The following APBB2 variants were observed in gnomAD, a reference collection of about 807,000 sequenced individuals.
The protein encoded by APBB2 is amyloid beta precursor protein binding family B member 2.
In APBB2, 38 loss-of-function variants were observed where a neutral mutation model predicts 82.5. The observed-to-expected ratio is 0.46, with a 90% CI of 0.36 to 0.60. The LOEUF is 0.60. Among genes scored for constraint, APBB2 ranks in the 20% least tolerant of loss-of-function variants. The pLI is 0.00. For synonymous variants in APBB2, 341 were observed against 368.2 expected (o/e 0.93, Z 0.85); for missense variants, 772 against 972.3 (o/e 0.79, Z 2.74).
intron 6 of APBB2, among the ~76,000 whole-genome samples, chr4:40,955,377 C>CTTT (rs1222929098): frequency 6.6e-6 from 1 of 152,186 alleles, no homozygotes; most frequent in African/African-American, 2.4e-5. Flanking sequence ...TGTGATAAGG[C>CTTT]GTAAAGCCCC....
chr4:41,198,742 C>T (rs942056460), intron 1 of APBB2, among the ~76,000 whole-genome samples: 7 of 152,214 alleles, frequency 4.6e-5, no homozygotes, highest in East Asian at 3.9e-4. Flanking sequence ...AGTCTGAAAT[C>T]AAGGTGTTGG....
chr4:41,140,989 C>A (rs1172189191), intron 2 of APBB2, among the ~76,000 whole-genome samples: 1 of 152,124 alleles, frequency 6.6e-6, no homozygotes, highest in African/African-American at 2.4e-5. Context: ...ATAAAGTGTA[C>A]AATAAATGTA....
intron 6 of APBB2, among the ~76,000 whole-genome samples, chr4:40,947,945 G>A (rs1162985897): frequency 5.3e-5 from 8 of 152,126 alleles, no homozygotes; most frequent in African/African-American, 1.9e-4. Flanking sequence ...TTTCAATGAT[G>A]GGAACTGGAA....
chr4:41,021,753 T>C (rs1005616573), intron 5 of APBB2, among the ~76,000 whole-genome samples: 4 of 152,150 alleles, frequency 2.6e-5, no homozygotes, highest in Admixed American at 2.0e-4. Flanking sequence ...CTGTGGAAGC[T>C]TTGTTCTTTC....
intron 12 of APBB2, among the ~76,000 whole-genome samples, chr4:40,863,996 C>T (rs11725751): frequency 0.17 from 25,758 of 151,318 alleles, 2,305 homozygotes; most frequent in South Asian, 0.24. Flanking sequence ...CAGTGGCTCA[C>T]GCCTGTAATC....
rs374014992 is a variant in APBB2, at chr4:40,859,675, G to A, written c.1530-29098C>T. 4.5e-4 allele frequency among the ~76,000 whole-genome samples: 69 copies of A among 152,174 alleles called. 1 individual carries two copies. The highest frequency in any genetic ancestry group is 1.5e-3 in the African/African-American group (63 of 41,442). ...TGCTCGAACCTTAAAACCACACAGT[G>A]GCTTCCCACTGCAATGCAGATAAAG... On this transcript the variant is annotated intron_variant, in intron 12 of 17. Coordinates refer to ENST00000508593, the MANE Select transcript of APBB2 (RefSeq NM_004307.2).
Position 40,812,138 on chromosome 4 carries a change from T to TA in APBB2, c.*3953dup, listed in dbSNP as rs1247259856. ...AAATTTGAAGTTACTTCCTAGTTCT[T>TA]ACCAGGCAGAAATATGTAGTAACTA... On this transcript the variant is annotated 3_prime_UTR_variant, in exon 18 of 18. Coordinates refer to ENST00000508593, the MANE Select transcript of APBB2 (RefSeq NM_004307.2). The TA allele has an allele frequency of 6.6e-6, 1 of 152,200 alleles. No homozygotes were observed. Among genetic ancestry groups the TA allele is most frequent in the African/African-American group, 2.4e-5 (1 of 41,450 alleles). The allele number at this position is 152,200 out of a possible 1,614,324, so 9.4% of individuals were successfully genotyped here. A position where few individuals can be genotyped will look rare whatever the true frequency, so the allele number is the denominator to read the frequency against.
intron 10 of APBB2, among the ~76,000 whole-genome samples, chr4:40,906,989 CAT>C (rs753001363): frequency 2.0e-5 from 3 of 151,982 alleles, no homozygotes; most frequent in Admixed American, 6.6e-5. Context: ...TATATACACA[CAT>C]ATATGCATGT....
At chr4:40,925,707 T>C (rs1782453382) in intron 10 of APBB2, among the ~76,000 whole-genome samples, 1 of 152,156 alleles carries the variant, frequency 6.6e-6, no homozygotes, top group Non-Finnish European at 1.5e-5. Context: ...GTAATGACAA[T>C]GAATTTGCTA....
intron 1 of APBB2, among the ~76,000 whole-genome samples, chr4:41,212,616 T>C (rs1402292395): frequency 1.3e-5 from 2 of 152,076 alleles, no homozygotes; most frequent in Non-Finnish European, 2.9e-5. Context: ...AACTTTAGAG[T>C]CGTCTCTCAA....
chr4:41,080,557 T>C (rs967420228), intron 3 of APBB2, among the ~76,000 whole-genome samples: 1 of 152,218 alleles, frequency 6.6e-6, no homozygotes, highest in Non-Finnish European at 1.5e-5. Flanking sequence ...AATGCAAAGC[T>C]TGATGCCTGC....
chr4:40,935,187 A>AAAAAG, intron 7 of APBB2, 48 bp from the exon 8 acceptor site: 4 of 1,261,966 alleles, frequency 3.2e-6, no homozygotes, highest in Non-Finnish European at 4.3e-6. Flanking sequence ...TGATTTAAAG[A>AAAAAG]AAAAGAAAAG....
At chr4:41,141,732 G>C (rs1759271875) in intron 2 of APBB2, among the ~76,000 whole-genome samples, 1 of 152,242 alleles carries the variant, frequency 6.6e-6, no homozygotes, top group Non-Finnish European at 1.5e-5. Context: ...GGAGGAGCTA[G>C]TCATGTCTTG....
At chr4:40,886,155 G>C (rs1051941894) in intron 12 of APBB2, among the ~76,000 whole-genome samples, 2 of 152,214 alleles carry the variant, frequency 1.3e-5, no homozygotes, top group African/African-American at 4.8e-5. Context: ...GGCAAGAGGG[G>C]AGTCCCTGTT....
chr4:41,111,083 C>G (rs1749037763), intron 2 of APBB2, among the ~76,000 whole-genome samples: 1 of 152,174 alleles, frequency 6.6e-6, no homozygotes, highest in African/African-American at 2.4e-5. Flanking sequence ...CCCTCGCATG[C>G]ACAAGTCACA....
At chr4:40,863,516 C>T (rs1763284469) in intron 12 of APBB2, among the ~76,000 whole-genome samples, 1 of 152,122 alleles carries the variant, frequency 6.6e-6, no homozygotes, top group African/African-American at 2.4e-5. Context: ...CTTTGAATAG[C>T]AAGAATCCAT....
In APBB2 at chr4:41,127,457, C is replaced by T. The variant is rs988049893; in HGVS notation, c.-261+15530G>A. Among the ~76,000 whole-genome samples, 1 of 152,354 alleles carries T rather than the reference C, an allele frequency of 6.6e-6. No individual in the cohort carries two copies. The highest frequency in any genetic ancestry group is 3.4e-3 in the Middle Eastern group (1 of 294). On this transcript the variant is annotated intron_variant, in intron 2 of 17. Coordinates refer to ENST00000508593, the MANE Select transcript of APBB2 (RefSeq NM_004307.2). This position sits in a 1 kb window ranked among gnomAD's most constrained non-coding sequence, Gnocchi z 4.8. ...TTTCATGTAGCCATTCACTTCTTGG[C>T]ATGAAAGGTTGCCTACTGCTGTGTT... is the stretch of plus-strand genomic sequence containing the variant.
intron 4 of APBB2, among the ~76,000 whole-genome samples, chr4:41,056,518 A>G (rs945498134): frequency 6.6e-6 from 1 of 152,120 alleles, no homozygotes; most frequent in Non-Finnish European, 1.5e-5. Flanking sequence ...CCCCTCCTCT[A>G]AACTGCTTCA....
chr4:41,177,430 C>T (rs1770129267), intron 1 of APBB2: 1 of 152,078 alleles, frequency 6.6e-6, no homozygotes, highest in Non-Finnish European at 1.5e-5. Context: ...CAAACTGTAA[C>T]ATAAAAAATA....
Sources: gnomAD v4.1 joint callset for allele counts (sites outside exome capture counted in the v4.1 genomes callset) on GRCh38, gnomAD v4.1.1 for gene constraint, Gnocchi (gnomAD v3.1) non-coding constraint, MANE v1.5 for transcripts, NCBI Gene and HGNC (gene_info 2026-07-23, HGNC 2026-07-21) for gene names.